AFF1: variants seen among roughly 807,000 people sequenced by gnomAD.
The protein encoded by AFF1 is ALF transcription elongation factor 1.
Under a neutral mutation model 121.7 loss-of-function variants are expected in AFF1, and 48 were observed. The ratio of observed to expected loss-of-function variants is 0.39; its 90% CI spans 0.31 to 0.50. The LOEUF (loss-of-function observed/expected upper bound fraction) is 0.50. Among genes scored for constraint, AFF1 ranks in the 20% least tolerant of loss-of-function variants. AFF1 has a pLI of 0.76. For missense variants in AFF1, 1,523 were observed against 1,511.7 expected (o/e 1.01, Z -0.12); for synonymous variants, 613 against 563.0 (o/e 1.09, Z -1.26).
Position 87,125,150 on chromosome 4 carries a change from A to G in AFF1, c.2573+7A>G, listed in dbSNP as rs1272063556. Reference sequence around the variant, plus strand: ...AAGAATCTTCTAAAACAAAGTGAGTATAGAGATTAGCAACCACCTAATCTA... The same window carrying G: ...AAGAATCTTCTAAAACAAAGTGAGTGTAGAGATTAGCAACCACCTAATCTA... On this transcript the variant is annotated splice_region_variant and intron_variant, in intron 13 of 20. Coordinates refer to ENST00000395146, the MANE Select transcript of AFF1 (RefSeq NM_001166693.3). 2 of 1,601,792 alleles carry G rather than the reference A, an allele frequency of 1.2e-6. No individual in the cohort carries two copies. Among genetic ancestry groups the G allele is most frequent in the Admixed American group, 3.4e-5 (2 of 58,614 alleles).
chr4:86,944,872 A>G (rs935239146), intron 1 of AFF1, among the ~76,000 whole-genome samples: 1 of 152,216 alleles, frequency 6.6e-6, no homozygotes, highest in Admixed American at 6.5e-5. Flanking sequence ...GTATATACTC[A>G]CATGTATGTG....
intron 2 of AFF1, among the ~76,000 whole-genome samples, chr4:86,985,181 CTATATATATATA>C (rs55891819): frequency 0.016 from 1,532 of 96,488 alleles, 41 homozygotes; most frequent in Non-Finnish European, 0.021. Context: ...ATATGTATTA[CTATATATATATA>C]TATATATATA....
intron 5 of AFF1, among the ~76,000 whole-genome samples, chr4:87,087,434 T>G (rs1270060337): frequency 6.6e-6 from 1 of 152,166 alleles, no homozygotes; most frequent in Non-Finnish European, 1.5e-5. Flanking sequence ...AGAGGAACAA[T>G]TAGAACTAGA....
At chr4:86,973,181 T>G (rs982164681) in intron 2 of AFF1, among the ~76,000 whole-genome samples, 7 of 152,162 alleles carry the variant, frequency 4.6e-5, no homozygotes, top group African/African-American at 1.7e-4. Flanking sequence ...ATTATTTCAC[T>G]TGGGGCCTGT....
At chr4:87,085,188 G>C (rs935604955) in intron 5 of AFF1, among the ~76,000 whole-genome samples, 1 of 152,004 alleles carries the variant, frequency 6.6e-6, no homozygotes, top group East Asian at 1.9e-4. Context: ...TTAATTCCAG[G>C]GGAAAAATGT....
At chr4:86,982,130 T>C (rs562659043) in intron 2 of AFF1, among the ~76,000 whole-genome samples, 1 of 152,310 alleles carries the variant, frequency 6.6e-6, no homozygotes, top group East Asian at 1.9e-4. Context: ...GTCAACTTAC[T>C]GATATAAATG....
At position 87,136,169 on chromosome 4, in the gene AFF1, T is replaced by A. The variant is rs1372582755; in HGVS notation, c.*468T>A. The A allele has an allele frequency of 8.6e-6, 2 of 232,704 alleles. No individual in the cohort carries two copies. The highest frequency in any genetic ancestry group is 1.7e-5 in the Non-Finnish European group (2 of 117,866). The allele number at this position is 232,704 out of a possible 1,614,324, so 14.4% of individuals were successfully genotyped here. A position where few individuals can be genotyped will look rare whatever the true frequency, so the allele number is the denominator to read the frequency against. The stretch of plus-strand genomic sequence containing the variant: ...TAAAGGGTTTTGTGGATGATTTTTT[T>A]TCTTTTGAGTTTTGGGAGAAATATT... On this transcript the variant is annotated 3_prime_UTR_variant, in exon 21 of 21. Coordinates refer to ENST00000395146, the MANE Select transcript of AFF1 (RefSeq NM_001166693.3).
intron 11 of AFF1, among the ~76,000 whole-genome samples, chr4:87,109,317 G>A (rs1247703555): frequency 1.3e-5 from 2 of 152,218 alleles, no homozygotes; most frequent in African/African-American, 4.8e-5. Context: ...GGTCTTGTCT[G>A]AGGGTGAGGG....
chr4:87,128,522 C>T (rs941147152), intron 16 of AFF1, among the ~76,000 whole-genome samples: 8 of 152,186 alleles, frequency 5.3e-5, no homozygotes, highest in African/African-American at 1.9e-4. Flanking sequence ...ATATGTTGAA[C>T]TTTGGTACAC....
chr4:86,954,012 A>G (rs1323799632), intron 2 of AFF1, among the ~76,000 whole-genome samples: 3 of 152,122 alleles, frequency 2.0e-5, no homozygotes, highest in African/African-American at 7.2e-5. Flanking sequence ...TGCCCGGCCT[A>G]GTTCAGTGCA....
At chr4:86,994,687 G>A (rs1020998013) in intron 2 of AFF1, among the ~76,000 whole-genome samples, 23 of 152,196 alleles carry the variant, frequency 1.5e-4, no homozygotes, top group African/African-American at 5.6e-4. Context: ...TAGAGTGAAG[G>A]ATAAGCTATC....
intron 2 of AFF1, among the ~76,000 whole-genome samples, chr4:87,041,401 CT>C (rs1449512984): frequency 1.3e-5 from 2 of 152,258 alleles, no homozygotes; most frequent in African/African-American, 2.4e-5. Context: ...TCTTTTACCC[CT>C]GGAGATCCCT....
At chr4:87,093,026 T>C (rs1293248934) in intron 7 of AFF1, among the ~76,000 whole-genome samples, 1 of 152,166 alleles carries the variant, frequency 6.6e-6, no homozygotes, top group Non-Finnish European at 1.5e-5. Flanking sequence ...TTGCTCATGG[T>C]TTGTTTTATT....
chr4:86,969,038 T>C (rs1722732746), intron 2 of AFF1, among the ~76,000 whole-genome samples: 1 of 152,250 alleles, frequency 6.6e-6, no homozygotes, highest in Admixed American at 6.5e-5. Context: ...TCATTGGTCT[T>C]AGGTCTCACG....
chr4:86,992,483 T>C (rs189951544), intron 2 of AFF1, among the ~76,000 whole-genome samples: 5 of 152,300 alleles, frequency 3.3e-5, no homozygotes, highest in Admixed American at 3.3e-4. Flanking sequence ...CATTATCATA[T>C]TTGGAAGAAA....
At chr4:86,981,585 T>C (rs1022275153) in intron 2 of AFF1, among the ~76,000 whole-genome samples, 8 of 152,060 alleles carry the variant, frequency 5.3e-5, no homozygotes, top group African/African-American at 1.7e-4. Context: ...ACCAGGCTGG[T>C]CTCAAACTCC....
At chr4:87,042,749 A>C (rs535540733) in intron 2 of AFF1, among the ~76,000 whole-genome samples, 2 of 152,234 alleles carry the variant, frequency 1.3e-5, no homozygotes, top group Non-Finnish European at 2.9e-5. Flanking sequence ...ATTTAATAGG[A>C]TTTCCTCCCT....
At chr4:87,007,297 C>G in intron 2 of AFF1, 2 of 1,574,860 alleles carry the variant, frequency 1.3e-6, no homozygotes, top group Non-Finnish European at 1.7e-6. Flanking sequence ...GGCGCCGCGC[C>G]GGGACGCGTC....
chr4:86,998,651 T>C (rs530915398), intron 2 of AFF1, among the ~76,000 whole-genome samples: 7 of 152,172 alleles, frequency 4.6e-5, no homozygotes, highest in Non-Finnish European at 1.0e-4. Flanking sequence ...TTAAAAATTA[T>C]TGTATTTTGT....
Sources: allele counts gnomAD v4.1 joint callset (sites outside exome capture counted in the v4.1 genomes callset), GRCh38; gene constraint gnomAD v4.1.1; transcripts MANE v1.5; gene names NCBI Gene and HGNC (gene_info 2026-07-23, HGNC 2026-07-21).